The following DENND1A variants were observed in gnomAD, a reference collection of about 807,000 sequenced individuals.
DENND1A encodes DENN domain containing 1A.
A neutral mutation model predicts 113.7 loss-of-function variants in DENND1A; 51 were observed. The observed-to-expected ratio is 0.45, with a 90% confidence interval of 0.36 to 0.57. The LOEUF (loss-of-function observed/expected upper bound fraction) is 0.57, where lower values mean the gene tolerates loss of function less well. Among genes scored for constraint, DENND1A ranks in the 20% least tolerant of loss-of-function variants. The probability of loss-of-function intolerance (pLI) is 0.00; values close to 1 mark genes in which losing one functional copy is unlikely to be tolerated. For synonymous variants in DENND1A, 565 were observed against 570.8 expected (o/e 0.99, Z 0.14); for missense variants, 1,258 against 1,395.9 (o/e 0.90, Z 1.57).
chr9:123,609,558 T>A, intron 10 of DENND1A, 77 bp from the exon 11 acceptor site: 4 of 1,527,114 alleles, frequency 2.6e-6, no homozygotes, highest in Non-Finnish European at 3.6e-6. Flanking sequence ...GGTTCACTAT[T>A]TGGAGAAAAA....
intron 2 of DENND1A, among the ~76,000 whole-genome samples, chr9:123,807,323 T>A (rs908284083): frequency 1.3e-5 from 2 of 152,234 alleles, no homozygotes; most frequent in African/African-American, 4.8e-5. Context: ...CAACAGTTTA[T>A]AATGTCCCCA....
chr9:123,470,350 C>A (rs1427860983), intron 13 of DENND1A, among the ~76,000 whole-genome samples: 1 of 11,352 alleles, frequency 8.8e-5, no homozygotes. Flanking sequence ...CCTGCTGGCT[C>A]AACCACGTGG....
chr9:123,790,289 A>G (rs1300827913), intron 3 of DENND1A, among the ~76,000 whole-genome samples: 1 of 152,174 alleles, frequency 6.6e-6, no homozygotes, highest in Non-Finnish European at 1.5e-5. Flanking sequence ...TTTCTTTCCC[A>G]GTAGATACAA....
At chr9:123,786,514 C>T (rs551309910) in intron 3 of DENND1A, among the ~76,000 whole-genome samples, 10 of 152,154 alleles carry the variant, frequency 6.6e-5, no homozygotes, top group Non-Finnish European at 1.2e-4. Context: ...AAGGGAGAGA[C>T]GGAATCTACT....
intron 16 of DENND1A, among the ~76,000 whole-genome samples, chr9:123,452,593 C>T (rs754742720): frequency 6.6e-6 from 1 of 151,798 alleles, no homozygotes; most frequent in Non-Finnish European, 1.5e-5. Flanking sequence ...TGGAAGGAGA[C>T]TCTAGACTCA....
intron 2 of DENND1A, among the ~76,000 whole-genome samples, chr9:123,842,815 A>G (rs182013002): frequency 6.6e-6 from 1 of 152,172 alleles, no homozygotes; most frequent in Non-Finnish European, 1.5e-5. Context: ...AAATATAAGA[A>G]AACTAAAAAT....
intron 19 of DENND1A, among the ~76,000 whole-genome samples, chr9:123,430,420 T>A (rs538758204): frequency 6.6e-6 from 1 of 152,240 alleles, no homozygotes; most frequent in Admixed American, 6.5e-5. Flanking sequence ...AGCAAAGACA[T>A]GGAGTCAACC....
intron 12 of DENND1A, among the ~76,000 whole-genome samples, chr9:123,574,504 TACTC>T (rs1296909768): frequency 6.6e-6 from 1 of 152,214 alleles, no homozygotes; most frequent in African/African-American, 2.4e-5. Flanking sequence ...TTATTCATAA[TACTC>T]CCTTCTTTTT....
At chr9:123,588,821 G>A (rs2059324759) in intron 11 of DENND1A, among the ~76,000 whole-genome samples, 2 of 150,386 alleles carry the variant, frequency 1.3e-5, no homozygotes, top group South Asian at 4.2e-4. Flanking sequence ...AGGCTGGAGT[G>A]CAGTGGCATG....
At position 123,847,915 on chromosome 9, in the gene DENND1A, CAG is replaced by C. The variant is rs1278893783; in HGVS notation, c.88+31034_88+31035del. Among the ~76,000 whole-genome samples, 3 of 152,188 alleles carry C rather than the reference CAG, an allele frequency of 2.0e-5. No homozygotes were observed. The East Asian group carries it at 5.8e-4, about 29-fold the overall frequency. Reference sequence around the variant, plus strand: ...CCCCACTGTACTCCAGCTTGGGCGACAGAGCGAGACTTCATCTCAAAAAAATA... The same window carrying C: ...CCCCACTGTACTCCAGCTTGGGCGACAGCGAGACTTCATCTCAAAAAAATA... On this transcript the variant is annotated intron_variant, in intron 2 of 23. Coordinates refer to ENST00000394215, the MANE Select transcript of DENND1A (RefSeq NM_001352964.2).
intron 3 of DENND1A, among the ~76,000 whole-genome samples, chr9:123,775,513 T>C (rs756707963): frequency 2.6e-5 from 4 of 151,980 alleles, no homozygotes; most frequent in Non-Finnish European, 5.9e-5. Context: ...GAAGATACTA[T>C]TTTAAAAGAA....
chr9:123,503,145 G>T lies in DENND1A; in HGVS notation c.994-45248C>A, dbSNP rs951459997. 5.9e-5 allele frequency among the ~76,000 whole-genome samples: 9 copies of T among 152,268 alleles called. 1 individual carries two copies. In the South Asian group the frequency reaches 1.5e-3, roughly 25 times the overall value. ...TGCTTTGAGATGGAGGTTATCTACG[G>T]CATGCTATCTACAGAAGCGCAGTGT... On this transcript the variant is annotated intron_variant, in intron 13 of 23. Transcript: ENST00000394215.
At chr9:123,694,471 T>C (rs2065380686) in intron 5 of DENND1A, among the ~76,000 whole-genome samples, 2 of 152,196 alleles carry the variant, frequency 1.3e-5, no homozygotes, top group African/African-American at 4.8e-5. Flanking sequence ...ATAAGGGACT[T>C]ACCTAGAGTC....
At chr9:123,503,061 G>T (rs1341057657) in intron 13 of DENND1A, among the ~76,000 whole-genome samples, 1 of 152,150 alleles carries the variant, frequency 6.6e-6, no homozygotes, top group African/African-American at 2.4e-5. Context: ...GCTTTTTGGG[G>T]AGAGTACATT....
intron 2 of DENND1A, among the ~76,000 whole-genome samples, chr9:123,837,535 A>C (rs1841213705): frequency 1.3e-5 from 2 of 152,216 alleles, no homozygotes; most frequent in South Asian, 4.1e-4. Flanking sequence ...AGATACTACT[A>C]TCCAGGGATA....
chr9:123,722,422 A>G (rs1025411871), intron 5 of DENND1A, among the ~76,000 whole-genome samples: 1 of 152,244 alleles, frequency 6.6e-6, no homozygotes, highest in African/African-American at 2.4e-5. Context: ...ATTTGCATAA[A>G]CGAGGAGCTG....
At chr9:123,813,336 GA>G (rs1473550844) in intron 2 of DENND1A, among the ~76,000 whole-genome samples, 1 of 151,584 alleles carries the variant, frequency 6.6e-6, no homozygotes, top group Non-Finnish European at 1.5e-5. Flanking sequence ...CATTTTCTAT[GA>G]ACTTCTGCTT....
intron 3 of DENND1A, among the ~76,000 whole-genome samples, chr9:123,788,036 A>C (rs1449930882): frequency 6.6e-6 from 1 of 152,158 alleles, no homozygotes; most frequent in Non-Finnish European, 1.5e-5. Context: ...AAGGGCTCTA[A>C]GAGGCTCACT....
At chr9:123,453,920 T>G (rs1366267870) in intron 16 of DENND1A, among the ~76,000 whole-genome samples, 6 of 152,190 alleles carry the variant, frequency 3.9e-5, no homozygotes, top group Non-Finnish European at 7.3e-5. Context: ...AACAAGTCCT[T>G]ATTACTCCTC....
Sources: gnomAD v4.1 joint callset for allele counts (sites outside exome capture counted in the v4.1 genomes callset) on GRCh38, gnomAD v4.1.1 for gene constraint, MANE v1.5 for transcripts, NCBI Gene and HGNC (gene_info 2026-07-23, HGNC 2026-07-21) for gene names.